Variants in ADCYAP1R1 observed in about 807,000 individuals in gnomAD.
ADCYAP1R1 encodes the protein ADCYAP receptor type I.
A neutral mutation model predicts 67.6 loss-of-function variants in ADCYAP1R1; 44 were observed. The ratio of observed to expected loss-of-function variants is 0.65; its 90% confidence interval spans 0.51 to 0.84. The LOEUF is 0.84. ADCYAP1R1 is among the 40% of genes least tolerant of loss of function. ADCYAP1R1 has a pLI of 0.00. For synonymous variants in ADCYAP1R1, 222 were observed against 219.6 expected, an observed-to-expected ratio of 1.01 and a Z score of -0.10; for missense variants, 477 against 587.9, an observed-to-expected ratio of 0.81 and a Z score of 1.95.
In ADCYAP1R1 at chr7:31,078,037, T is replaced by A; in HGVS notation, c.204T>A (p.His68Gln). 6.2e-7 allele frequency: 1 copy of A among 1,613,276 alleles called. No individual in the cohort carries two copies. Among genetic ancestry groups the A allele is most frequent in the Non-Finnish European group, 8.5e-7 (1 of 1,179,532 alleles). ...WDNITCWKPA[H>Q]VGEMVLVSCP... ...ACATCACGTGTTGGAAGCCCGCCCATGTGGGTGAGATGGTCCTGGTCAGCT... is the reference window on the plus strand; with the variant it reads ...ACATCACGTGTTGGAAGCCCGCCCAAGTGGGTGAGATGGTCCTGGTCAGCT... The change falls in exon 4 of 16, where the codon CAT (histidine) becomes CAA (glutamine). Residue 68 changes from histidine to glutamine, a missense_variant. His to Gln is a conservative substitution (Grantham distance 24). Transcript: ENST00000304166.
At chr7:31,055,330 T>A (rs763750454) in intron 1 of ADCYAP1R1, among the ~76,000 whole-genome samples, 54 of 51,618 alleles carry the variant, frequency 1.0e-3, no homozygotes, top group Non-Finnish European at 1.6e-3. Context: ...TGGAGGAAAG[T>A]GTGTGTGTGT....
intron 13 of ADCYAP1R1, among the ~76,000 whole-genome samples, chr7:31,094,207 A>G (rs1460819699): frequency 1.3e-5 from 2 of 152,138 alleles, no homozygotes. Flanking sequence ...TATATTATGT[A>G]GTAGAAAATT....
At chr7:31,069,720 G>T (rs151092811) in intron 3 of ADCYAP1R1, among the ~76,000 whole-genome samples, 147 of 152,240 alleles carry the variant, frequency 9.7e-4, no homozygotes, top group African/African-American at 3.4e-3. Flanking sequence ...TGTGCAGAGT[G>T]GCCTTCAGAG....
At position 31,076,183 on chromosome 7, in the gene ADCYAP1R1, G is replaced by A. The variant is rs371951091; in HGVS notation, c.158-1808G>A. Among the ~76,000 whole-genome samples, 12 of 152,352 alleles carry A rather than the reference G, an allele frequency of 7.9e-5. No individual in the cohort carries two copies. The East Asian group carries it at 1.5e-3, about 20-fold the overall frequency. Reference sequence around the variant, plus strand: ...AGCTCATCCAAGGTGGGCAGGGTGGGCGGCCAAAGGCAGGACAGCTACCAG... The same window carrying A: ...AGCTCATCCAAGGTGGGCAGGGTGGACGGCCAAAGGCAGGACAGCTACCAG... On this transcript the variant is annotated intron_variant, in intron 3 of 15. Coordinates refer to ENST00000304166, the MANE Select transcript of ADCYAP1R1 (RefSeq NM_001118.5).
At chr7:31,077,941 G>A (rs771560675) in intron 3 of ADCYAP1R1, 50 bp from the exon 4 acceptor site, 2 of 1,296,504 alleles carry the variant, frequency 1.5e-6, no homozygotes, top group African/African-American at 1.5e-5. Context: ...TGGTGTGTGT[G>A]TATGGGTGTG....
chr7:31,105,059 C>G lies in ADCYAP1R1; in HGVS notation c.1218+150C>G, dbSNP rs368449437. ...CTGAGAGGAGGGGCTGGTCATACAG[C>G]TCCTGGCATTGTGTGGTGCCAGGAC... On this transcript the variant is annotated intron_variant, in intron 15 of 15. Transcript: ENST00000304166. 1.2e-5 allele frequency: 10 copies of G among 823,438 alleles called. No individual in the cohort carries two copies. In the East Asian group the frequency reaches 1.7e-4, roughly 14 times the overall value. The allele number at this position is 823,438 out of a possible 1,614,324, so 51.0% of individuals were successfully genotyped here. A position where few individuals can be genotyped will look rare whatever the true frequency, so the allele number is the denominator to read the frequency against.
Position 31,106,650 on chromosome 7 carries a change from T to C in ADCYAP1R1, c.1373T>C (p.Met458Thr). 2 of 1,612,224 alleles carry C rather than the reference T, an allele frequency of 1.2e-6. No individual in the cohort carries two copies. ...AGCAAGAGCAGCTCCCAAATCCGCA[T>C]GTCTGGCCTCCCTGCTGACAATCTG... ...ILSKSSSQIR[M>T]SGLPADNLAT Residue 458 changes from methionine to threonine, a missense_variant, in exon 16 of 16, where the codon ATG becomes ACG. Transcript: ENST00000304166.
chr7:31,053,846 T>C (rs1356903430), intron 1 of ADCYAP1R1, among the ~76,000 whole-genome samples: 1 of 152,170 alleles, frequency 6.6e-6, no homozygotes, highest in Non-Finnish European at 1.5e-5. Context: ...GCCCTGGGAC[T>C]GCAGCTGGCC....
In ADCYAP1R1 at chr7:31,108,209, T is replaced by C. The variant is rs1796721839; in HGVS notation, c.*1525T>C. On this transcript the variant is annotated 3_prime_UTR_variant, in exon 16 of 16. Coordinates refer to ENST00000304166, the MANE Select transcript of ADCYAP1R1 (RefSeq NM_001118.5). ...AAGGGGCCTGGGAGACTTGGGAAAA[T>C]GTTTCTGGAGAGGCTTTCAGAGTGG... is the stretch of plus-strand genomic sequence containing the variant. The C allele has an allele frequency of 1.3e-5, 2 of 152,118 alleles. 1 individual carries two copies. The highest frequency in any genetic ancestry group is 4.1e-4 in the South Asian group (2 of 4,830). The allele number at this position is 152,118 out of a possible 1,614,324, so 9.4% of individuals were successfully genotyped here. A position where few individuals can be genotyped will look rare whatever the true frequency, so the allele number is the denominator to read the frequency against.
intron 3 of ADCYAP1R1, 49 bp downstream of exon 3, chr7:31,064,985 G>C: frequency 6.9e-7 from 1 of 1,444,742 alleles, no homozygotes. Context: ...CCAGCTTTTA[G>C]AACTGTTTTC....
chr7:31,105,032 C>A, intron 15 of ADCYAP1R1, 123 bp downstream of exon 15: 1 of 1,017,906 alleles, frequency 9.8e-7, no homozygotes, highest in Non-Finnish European at 1.5e-6. Context: ...AGGCTCCCAG[C>A]ACTGAGAGGA....
chr7:31,086,338 G>A lies in ADCYAP1R1; in HGVS notation c.670-46G>A. On this transcript the variant is annotated intron_variant, in intron 9 of 15. Coordinates refer to ENST00000304166, the MANE Select transcript of ADCYAP1R1 (RefSeq NM_001118.5). This position sits in a 1 kb window ranked among gnomAD's most constrained non-coding sequence, Gnocchi z 5.0. ...GGCCCTAGGATTCTCCCTTGCTCCTGTTCCTGTTGGGCTCACGCCCCTCAC... is the reference window on the plus strand; with the variant it reads ...GGCCCTAGGATTCTCCCTTGCTCCTATTCCTGTTGGGCTCACGCCCCTCAC... The A allele has an allele frequency of 6.2e-7, 1 of 1,601,472 alleles. No individual in the cohort carries two copies. Among genetic ancestry groups the A allele is most frequent in the Non-Finnish European group, 8.5e-7 (1 of 1,174,398 alleles).
chr7:31,096,316 A>T (rs1428706379), intron 13 of ADCYAP1R1, among the ~76,000 whole-genome samples: 3 of 152,060 alleles, frequency 2.0e-5, no homozygotes, highest in Non-Finnish European at 4.4e-5. Flanking sequence ...ATCTCTGGAG[A>T]TGGCTGTGCC....
Position 31,083,576 on chromosome 7 carries a change from C to T in ADCYAP1R1, c.329-565C>T, listed in dbSNP as rs542148753. Among the ~76,000 whole-genome samples the T allele has an allele frequency of 9.2e-5, 14 of 152,294 alleles. No homozygotes were observed. In the South Asian group the frequency reaches 2.9e-3, roughly 32 times the overall value. ...GGCCCTACGTTAGTGGAAATCTGGACCTTGTTAATGAAGCAAGCCCTGTGT... is the reference window on the plus strand; with the variant it reads ...GGCCCTACGTTAGTGGAAATCTGGATCTTGTTAATGAAGCAAGCCCTGTGT... On this transcript the variant is annotated intron_variant, in intron 6 of 15. Coordinates refer to ENST00000304166, the MANE Select transcript of ADCYAP1R1 (RefSeq NM_001118.5).
At chr7:31,075,161 C>G (rs1795156395) in intron 3 of ADCYAP1R1, among the ~76,000 whole-genome samples, 1 of 152,176 alleles carries the variant, frequency 6.6e-6, no homozygotes. Context: ...TTGCAGGTCC[C>G]TGCTTTACCT....
rs146490928 is a variant in ADCYAP1R1 at position 31,058,663 on chromosome 7, C to T, written c.-71-4531C>T. On this transcript the variant is annotated intron_variant, in intron 1 of 15. Transcript: ENST00000304166. Reference sequence around the variant, plus strand: ...ATGTTGTGTCTGTAACTAACTCTTCCTAAGGAGGAAACTAGATATAGATAT... The same window carrying T: ...ATGTTGTGTCTGTAACTAACTCTTCTTAAGGAGGAAACTAGATATAGATAT... Among the ~76,000 whole-genome samples, 982 of 152,270 alleles carry T rather than the reference C, an allele frequency of 6.4e-3. 10 individuals carry two copies. Among genetic ancestry groups the T allele is most frequent in the African/African-American group, 0.02 (836 of 41,556 alleles).
chr7:31,096,846 G>A (rs112894994), intron 13 of ADCYAP1R1, among the ~76,000 whole-genome samples: 5,998 of 26,854 alleles, frequency 0.22, 376 homozygotes, highest in African/African-American at 0.4. Flanking sequence ...ACATTCTGTG[G>A]ACCGCCAAGT....
chr7:31,053,386 G>A (rs1397925366), intron 1 of ADCYAP1R1, among the ~76,000 whole-genome samples: 1 of 152,238 alleles, frequency 6.6e-6, no homozygotes, highest in Non-Finnish European at 1.5e-5. Flanking sequence ...AAGTGGGCCC[G>A]CTGAGACCCC....
At chr7:31,079,469 G>T (rs1795424277) in intron 4 of ADCYAP1R1, among the ~76,000 whole-genome samples, 2 of 152,234 alleles carry the variant, frequency 1.3e-5, no homozygotes, top group African/African-American at 4.8e-5. Flanking sequence ...CCAGCCTAAG[G>T]CTTAGGCTGA....
Sources: allele counts gnomAD v4.1 joint callset (sites outside exome capture counted in the v4.1 genomes callset), GRCh38; gene constraint gnomAD v4.1.1; non-coding constraint Gnocchi (gnomAD v3.1); transcripts MANE v1.5; gene names NCBI Gene and HGNC (gene_info 2026-07-23, HGNC 2026-07-21).